DYNC2I2: variants seen among roughly 807,000 people sequenced by gnomAD.
The protein encoded by DYNC2I2 is dynein 2 intermediate chain 2.
A neutral mutation model predicts 52.0 loss-of-function variants in DYNC2I2; 39 were observed. The observed-to-expected ratio is 0.75, with a 90% confidence interval of 0.58 to 0.98. The LOEUF is 0.98. Among genes scored for constraint, DYNC2I2 ranks in the 50% least tolerant of loss-of-function variants. The pLI is 0.00. For missense variants in DYNC2I2, 743 were observed against 728.4 expected (o/e 1.02, Z -0.23); for synonymous variants, 359 against 321.1 (o/e 1.12, Z -1.26).
the DYNC2I2 span, among the ~76,000 whole-genome samples, chr9:128,669,258 G>A: frequency 6.6e-5 from 10 of 152,144 alleles, no homozygotes; most frequent in South Asian, 2.1e-4. Flanking sequence ...CCAGCTACTC[G>A]GGAGGCTGAG....
chr9:128,670,115 G>A, the DYNC2I2 span, among the ~76,000 whole-genome samples: 8 of 151,940 alleles, frequency 5.3e-5, no homozygotes, highest in Non-Finnish European at 8.8e-5. Context: ...ACTCCAGCAT[G>A]GGTTACAGAG....
rs544202763 is a variant in DYNC2I2, at chr9:128,636,430, T to C, written c.554A>G (p.His185Arg). ...VVACAYGRLDHGDWSTLKSFV... is the reference protein window; with the variant it reads ...VVACAYGRLDRGDWSTLKSFV... ...GGACTTAAGCGTGCTCCAGTCCCCATGGTCCAGCCTGTGCAGGGACAGGCT... is the reference window on the plus strand; with the variant it reads ...GGACTTAAGCGTGCTCCAGTCCCCACGGTCCAGCCTGTGCAGGGACAGGCT... The change falls in exon 4 of 9, where the codon CAT becomes CGT. Residue 185 changes from histidine to arginine, a missense_variant. By Grantham distance (29) the His-to-Arg change is conservative (BLOSUM62 0). Coordinates refer to ENST00000372715, the MANE Select transcript of DYNC2I2 (RefSeq NM_052844.4). 5.0e-5 allele frequency: 80 copies of C among 1,603,886 alleles called. No individual in the cohort carries two copies. The East Asian group carries it at 1.6e-3, about 32-fold the overall frequency.
At chr9:128,682,866 C>T in the DYNC2I2 span, among the ~76,000 whole-genome samples, 13 of 149,394 alleles carry the variant, frequency 8.7e-5, no homozygotes, top group African/African-American at 2.2e-4. Flanking sequence ...TTAGTAGAGA[C>T]GGGGTTTCAC....
chr9:128,646,220 G>T (rs938611249), intron 1 of DYNC2I2, among the ~76,000 whole-genome samples: 1 of 152,202 alleles, frequency 6.6e-6, no homozygotes, highest in Non-Finnish European at 1.5e-5. Flanking sequence ...TTGTTTTTTT[G>T]TTTTTGTTGT....
chr9:128,667,957 T>A, the DYNC2I2 span, among the ~76,000 whole-genome samples: 1 of 88,576 alleles, frequency 1.1e-5, no homozygotes, highest in African/African-American at 4.4e-5. Flanking sequence ...GGTCTCGATC[T>A]CTTTTTTTTT....
chr9:128,662,798 G>A, the DYNC2I2 span, among the ~76,000 whole-genome samples: 6 of 151,176 alleles, frequency 4.0e-5, no homozygotes, highest in East Asian at 1.9e-4. Context: ...TCCTGACCTC[G>A]GGTGATCCAC....
At chr9:128,642,353 G>T (rs1188981090) in intron 1 of DYNC2I2, among the ~76,000 whole-genome samples, 1 of 148,476 alleles carries the variant, frequency 6.7e-6, no homozygotes, top group Non-Finnish European at 1.5e-5. Flanking sequence ...CTACTCAGAA[G>T]GCTGAGGCAG....
At chr9:128,658,910 G>C (rs1320850550), upstream of DYNC2I2, among the ~76,000 whole-genome samples, 1 of 151,350 alleles carries the variant, frequency 6.6e-6, no homozygotes, top group African/African-American at 2.4e-5. Flanking sequence ...TTTTTGTAGA[G>C]ATGGGGGCAG....
chr9:128,636,876 T>C, intron 3 of DYNC2I2, 42 bp downstream of exon 3: 1 of 1,495,902 alleles, frequency 6.7e-7, no homozygotes. Context: ...AGGAGGGTCC[T>C]GGGGTGGCGA....
chr9:128,669,209 C>CA, the DYNC2I2 span, among the ~76,000 whole-genome samples: 1 of 151,732 alleles, frequency 6.6e-6, no homozygotes, highest in South Asian at 2.1e-4. Context: ...ACTAAAAATA[C>CA]AAAAAATTAG....
chr9:128,652,928 AAAGT>A (rs1012061250), intron 1 of DYNC2I2, among the ~76,000 whole-genome samples: 7 of 149,976 alleles, frequency 4.7e-5, no homozygotes, highest in Non-Finnish European at 1.0e-4. Context: ...CAAAAAAAAA[AAAGT>A]AAGTACCAAG....
Position 128,636,328 on chromosome 9 carries a change from G to T in DYNC2I2, c.656C>A (p.Ala219Asp), listed in dbSNP as rs1461636628. Reference sequence around the variant, plus strand: ...GGGGTGGAAGGCCAGACACAGGACAGCGCTGGGGACCTCCACCACGGCCGA... The same window carrying T: ...GGGGTGGAAGGCCAGACACAGGACATCGCTGGGGACCTCCACCACGGCCGA... ...QPSAVVEVPS[A>D]VLCLAFHPTQ... is the part of the protein sequence containing the mutation. The change falls in exon 4 of 9, where the codon GCT (alanine) becomes GAT (aspartate). Residue 219 changes from alanine to aspartate, a missense_variant. By Grantham distance (126) the Ala-to-Asp change is moderately radical. Coordinates refer to ENST00000372715, the MANE Select transcript of DYNC2I2 (RefSeq NM_052844.4). The T allele has an allele frequency of 6.3e-7, 1 of 1,596,164 alleles. No homozygotes were observed.
rs774003200 is a variant in DYNC2I2, at chr9:128,634,814, G to C, written c.1089C>G (p.Ser363=). ...GTEGGFPLKC[S]LAAGEAALTR... ...TGAGGGCTGCCTCTCCAGCTGCCAG[G>C]GAACACTTGAGCGGGAAGCCGCCTT... is the stretch of plus-strand genomic sequence containing the variant. Residue 363 remains serine, a synonymous_variant, in exon 7 of 9, where the codon TCC becomes TCG. Coordinates refer to ENST00000372715, the MANE Select transcript of DYNC2I2 (RefSeq NM_052844.4). 1.2e-5 allele frequency: 20 copies of C among 1,613,254 alleles called. No individual in the cohort carries two copies. Among genetic ancestry groups the C allele is most frequent in the Non-Finnish European group, 1.7e-5 (20 of 1,179,848 alleles).
chr9:128,634,933 TGGC>T lies in DYNC2I2; in HGVS notation c.982-15_982-13del. ...TCCCCGCGGGGATGCTGTGGAGAAA[TGGC>T]AGCAGCAGGGTCAGAGCCAAGGGCA... On this transcript the variant is annotated splice_polypyrimidine_tract_variant and intron_variant, in intron 6 of 8. Coordinates refer to ENST00000372715, the MANE Select transcript of DYNC2I2 (RefSeq NM_052844.4). 6.2e-7 allele frequency: 1 copy of T among 1,610,950 alleles called. No individual in the cohort carries two copies.
At chr9:128,677,424 G>A in the DYNC2I2 span, among the ~76,000 whole-genome samples, 1 of 151,456 alleles carries the variant, frequency 6.6e-6, no homozygotes, top group East Asian at 2.0e-4. Context: ...GGCAGATGTT[G>A]TAGTGAGCTG....
intron 7 of DYNC2I2, 98 bp from the exon 8 acceptor site, chr9:128,634,481 G>A: frequency 3.4e-6 from 5 of 1,458,578 alleles, no homozygotes; most frequent in Non-Finnish European, 4.6e-6. Flanking sequence ...CCAGGCTCGT[G>A]AAGAGCCTCC....
chr9:128,636,482 CTCCTA>C lies in DYNC2I2; in HGVS notation c.546-49_546-45del, dbSNP rs779520152. On this transcript the variant is annotated intron_variant, in intron 3 of 8. Coordinates refer to ENST00000372715, the MANE Select transcript of DYNC2I2 (RefSeq NM_052844.4). ...GAGCCGGCTGTGCCCCTGGGTGGGGCTCCTATCACCCACCCCACCTCTCTCCCCAC... is the reference window on the plus strand; with the variant it reads ...GAGCCGGCTGTGCCCCTGGGTGGGGCTCACCCACCCCACCTCTCTCCCCAC... 1.9e-6 allele frequency: 3 copies of C among 1,555,316 alleles called. No individual in the cohort carries two copies. The East Asian group carries it at 7.1e-5, about 37-fold the overall frequency.
At chr9:128,661,807 C>T (rs946321945), upstream of DYNC2I2, among the ~76,000 whole-genome samples, 10 of 151,792 alleles carry the variant, frequency 6.6e-5, no homozygotes, top group Non-Finnish European at 1.0e-4. Context: ...TTTGGGAGGC[C>T]GAGGTAGGCG....
At chr9:128,643,030 G>C (rs1427557185) in intron 1 of DYNC2I2, among the ~76,000 whole-genome samples, 1 of 152,154 alleles carries the variant, frequency 6.6e-6, no homozygotes, top group East Asian at 1.9e-4. Context: ...TGAAGGACAT[G>C]AAGGAGCCGG....
Sources: allele counts gnomAD v4.1 joint callset (sites outside exome capture counted in the v4.1 genomes callset), GRCh38; gene constraint gnomAD v4.1.1; transcripts MANE v1.5; gene names NCBI Gene and HGNC (gene_info 2026-07-23, HGNC 2026-07-21).